The following FSTL5 variants were observed in gnomAD, a reference collection of about 807,000 sequenced individuals.
FSTL5 encodes follistatin-related protein 5.
Under a neutral mutation model 89.1 loss-of-function variants are expected in FSTL5, and 62 were observed. The observed-to-expected ratio is 0.70, with a 90% CI of 0.57 to 0.86. FSTL5 has a LOEUF of 0.86. FSTL5 is among the 40% of genes least tolerant of loss of function. The probability of loss-of-function intolerance (pLI) is 0.00; values close to 1 mark genes in which losing one functional copy is unlikely to be tolerated. For synonymous variants in FSTL5, 383 were observed against 346.2 expected (o/e 1.11, Z -1.18); for missense variants, 1,057 against 1,001.6 (o/e 1.06, Z -0.75).
chr4:162,138,982 C>T (rs966241509), intron 1 of FSTL5, among the ~76,000 whole-genome samples: 1 of 152,048 alleles, frequency 6.6e-6, no homozygotes, highest in Non-Finnish European at 1.5e-5. Context: ...AAATAACTCT[C>T]TATAATAAAT....
chr4:161,969,132 T>C (rs559750940), intron 3 of FSTL5, among the ~76,000 whole-genome samples: 4 of 152,230 alleles, frequency 2.6e-5, no homozygotes, highest in Admixed American at 6.5e-5. Context: ...ATACCCTACC[T>C]AGATGTGAAA....
intron 7 of FSTL5, among the ~76,000 whole-genome samples, chr4:161,614,017 T>A (rs1734751893): frequency 6.6e-6 from 1 of 152,156 alleles, no homozygotes; most frequent in Non-Finnish European, 1.5e-5. Context: ...TTTCTGAGGG[T>A]TTAAATAATA....
At chr4:162,147,877 C>T (rs1311514991) in intron 1 of FSTL5, among the ~76,000 whole-genome samples, 1 of 151,992 alleles carries the variant, frequency 6.6e-6, no homozygotes, top group African/African-American at 2.4e-5. Context: ...TGGTGGCAGG[C>T]ACCTGTAATC....
intron 2 of FSTL5, among the ~76,000 whole-genome samples, chr4:162,066,186 A>G (rs528294158): frequency 2.0e-5 from 3 of 151,802 alleles, no homozygotes; most frequent in Non-Finnish European, 2.9e-5. Flanking sequence ...CTCTGAATTT[A>G]TTGAATATAT....
intron 4 of FSTL5, among the ~76,000 whole-genome samples, chr4:161,798,935 G>A (rs1296858433): frequency 6.6e-6 from 1 of 151,548 alleles, no homozygotes; most frequent in Non-Finnish European, 1.5e-5. Flanking sequence ...GAGGCCCAAG[G>A]GAAATTATGA....
At position 161,385,734 on chromosome 4, in the gene FSTL5, T is replaced by C. The variant is rs775904717; in HGVS notation, c.*13A>G. On this transcript the variant is annotated 3_prime_UTR_variant, in exon 16 of 16. Coordinates refer to ENST00000306100, the MANE Select transcript of FSTL5 (RefSeq NM_020116.5). The stretch of plus-strand genomic sequence containing the variant: ...TGTAAAACGCTTCATTCAATAATTG[T>C]ATCGTAGGGTTTTTAGGCATCTCCA... 5.9e-5 allele frequency: 88 copies of C among 1,498,886 alleles called. No individual in the cohort carries two copies. The highest frequency in any genetic ancestry group is 7.9e-5 in the Non-Finnish European group (87 of 1,103,572). 92.8% of individuals were successfully genotyped at this position (1,498,886 alleles called of 1,614,324 possible).
chr4:162,080,231 T>A (rs1201218033), intron 2 of FSTL5, among the ~76,000 whole-genome samples: 4 of 151,634 alleles, frequency 2.6e-5, no homozygotes, highest in Non-Finnish European at 5.9e-5. Flanking sequence ...TTGGAAATAA[T>A]TTCACCTATA....
intron 15 of FSTL5, among the ~76,000 whole-genome samples, chr4:161,421,348 A>G (rs1312498086): frequency 6.6e-6 from 1 of 152,136 alleles, no homozygotes; most frequent in Non-Finnish European, 1.5e-5. Flanking sequence ...CTCAAAAAAA[A>G]AAAAAAAAGT....
intron 1 of FSTL5, among the ~76,000 whole-genome samples, chr4:162,132,224 T>C (rs1280208397): frequency 6.6e-6 from 1 of 152,188 alleles, no homozygotes; most frequent in Non-Finnish European, 1.5e-5. Context: ...AGAATTGTTA[T>C]CTATATAAGT....
intron 1 of FSTL5, among the ~76,000 whole-genome samples, chr4:162,117,852 TAATG>T (rs1731701822): frequency 4.6e-5 from 7 of 152,144 alleles, no homozygotes; most frequent in Admixed American, 4.6e-4. Flanking sequence ...GTAAATAAAA[TAATG>T]AATAAATTGA....
intron 14 of FSTL5, among the ~76,000 whole-genome samples, chr4:161,455,727 T>C (rs2126402495): frequency 6.6e-6 from 1 of 152,298 alleles, no homozygotes; most frequent in Non-Finnish European, 1.5e-5. Flanking sequence ...TAAACTAGTT[T>C]ATTTCCCTAA....
chr4:161,660,688 T>A (rs913757762), intron 6 of FSTL5, among the ~76,000 whole-genome samples: 3 of 152,100 alleles, frequency 2.0e-5, no homozygotes, highest in African/African-American at 7.2e-5. Context: ...TGTGTTCTCA[T>A]CATTTAGCTC....
intron 3 of FSTL5, among the ~76,000 whole-genome samples, chr4:161,999,283 CAA>C (rs1368368056): frequency 3.9e-5 from 6 of 151,918 alleles, no homozygotes. Context: ...ACATGTGAAC[CAA>C]AAGTTATAAA....
intron 15 of FSTL5, among the ~76,000 whole-genome samples, chr4:161,444,131 G>C (rs750416404): frequency 7.9e-5 from 12 of 151,878 alleles, no homozygotes; most frequent in Admixed American, 2.6e-4. Flanking sequence ...GAACAGAGTA[G>C]AGAACCGTAT....
At chr4:161,458,997 T>G (rs539674246) in intron 14 of FSTL5, among the ~76,000 whole-genome samples, 1 of 152,322 alleles carries the variant, frequency 6.6e-6, no homozygotes, top group East Asian at 1.9e-4. Context: ...TTTTCGCATA[T>G]AAATATAACC....
At chr4:161,984,310 T>C (rs1735904653) in intron 3 of FSTL5, among the ~76,000 whole-genome samples, 1 of 152,098 alleles carries the variant, frequency 6.6e-6, no homozygotes, top group South Asian at 2.1e-4. Context: ...CTATAGATCT[T>C]TGCTTTTTTT....
chr4:161,587,710 G>A (rs1733665232), intron 7 of FSTL5, 135 bp from the exon 8 acceptor site: 10 of 592,024 alleles, frequency 1.7e-5, no homozygotes, highest in Non-Finnish European at 2.3e-5. Flanking sequence ...GAGCATTGTT[G>A]GGTGTATAAG....
chr4:162,127,198 C>G (rs1732117767), intron 1 of FSTL5, among the ~76,000 whole-genome samples: 1 of 152,200 alleles, frequency 6.6e-6, no homozygotes, highest in Non-Finnish European at 1.5e-5. Context: ...GGCTGCCTTT[C>G]CTACTTCCTC....
intron 6 of FSTL5, among the ~76,000 whole-genome samples, chr4:161,661,660 C>A (rs1736716562): frequency 6.6e-6 from 1 of 151,942 alleles, no homozygotes; most frequent in Non-Finnish European, 1.5e-5. Flanking sequence ...TTTAGACATG[C>A]CAAGATATTC....
Sources: gnomAD v4.1 joint callset for allele counts (sites outside exome capture counted in the v4.1 genomes callset) on GRCh38, gnomAD v4.1.1 for gene constraint, MANE v1.5 for transcripts, NCBI Gene and HGNC (gene_info 2026-07-23, HGNC 2026-07-21) for gene names.